POLDIP3: variants seen among roughly 807,000 people sequenced by gnomAD.
The protein encoded by POLDIP3 is polymerase delta-interacting protein 3.
POLDIP3 carries 14 observed loss-of-function variants against 45.1 expected under a neutral mutation model. The observed-to-expected ratio is 0.31, with a 90% CI of 0.20 to 0.49. The LOEUF (loss-of-function observed/expected upper bound fraction) is 0.49. POLDIP3 is among the 20% of genes least tolerant of loss of function. The pLI is 0.99. For missense variants in POLDIP3, 511 were observed against 538.8 expected, an observed-to-expected ratio of 0.95 and a Z score of 0.51; for synonymous variants, 223 against 205.2, an observed-to-expected ratio of 1.09 and a Z score of -0.74.
intron 1 of POLDIP3, among the ~76,000 whole-genome samples, chr22:42,611,154 T>G (rs1927094052): frequency 1.3e-5 from 2 of 152,178 alleles, no homozygotes; most frequent in South Asian, 4.1e-4. Flanking sequence ...ATAATAATGG[T>G]AATGACTTTT....
chr22:42,601,866 C>CCT, intron 3 of POLDIP3, 104 bp downstream of exon 3: 2 of 1,368,234 alleles, frequency 1.5e-6, no homozygotes, highest in Non-Finnish European at 2.0e-6. Context: ...ACTGAGCAAG[C>CCT]CTCAGTCCAT....
At chr22:42,595,710 G>A (rs1925942856) in intron 5 of POLDIP3, 96 bp from the exon 6 acceptor site, 5 of 1,124,066 alleles carry the variant, frequency 4.4e-6, no homozygotes, top group African/African-American at 1.5e-5. Flanking sequence ...AAGGCCCAGA[G>A]GAAAGCTCCA....
chr22:42,609,472 G>C (rs1349910895), intron 1 of POLDIP3, among the ~76,000 whole-genome samples: 1 of 152,198 alleles, frequency 6.6e-6, no homozygotes, highest in Non-Finnish European at 1.5e-5. Flanking sequence ...GATGACCAGG[G>C]AGGGTCTGTC....
chr22:42,590,194 T>C (rs1177286099), intron 7 of POLDIP3, among the ~76,000 whole-genome samples: 13 of 152,196 alleles, frequency 8.5e-5, no homozygotes, highest in Admixed American at 7.2e-4. Flanking sequence ...TAGCTGTAAA[T>C]GCACATACAG....
chr22:42,602,913 G>T lies in POLDIP3; in HGVS notation c.307C>A (p.Gln103Lys), dbSNP rs775869631. 6.2e-7 allele frequency: 1 copy of T among 1,613,972 alleles called. No individual in the cohort carries two copies. Among genetic ancestry groups the T allele is most frequent in the South Asian group, 1.1e-5 (1 of 91,078 alleles). ...DAREMLNSRK[Q>K]QTTVPQKPRQ... ...GGCTTCTGGGGCACCGTGGTCTGCT[G>T]CTTGCGAGAGTTCAACATCTCTCTG... The change falls in exon 2 of 9, where the codon CAG becomes AAG. Residue 103 changes from glutamine to lysine, a missense_variant. Gln to Lys is a moderately conservative substitution (Grantham distance 53, BLOSUM62 1). This residue lies in a region of POLDIP3 where 378 missense variants were observed against 352.3 expected (regional missense o/e 1.07). Coordinates refer to ENST00000252115, the MANE Select transcript of POLDIP3 (RefSeq NM_032311.5).
chr22:42,588,626 CTTTCT>C (rs949206803), intron 7 of POLDIP3, among the ~76,000 whole-genome samples: 4 of 145,648 alleles, frequency 2.7e-5, no homozygotes, highest in African/African-American at 1.0e-4. Context: ...ATTTTTCTTT[CTTTCT>C]TTTTTTTTTT....
chr22:42,602,918 C>T lies in POLDIP3; in HGVS notation c.302G>A (p.Arg101His), dbSNP rs1246931138. Residue 101 changes from arginine (R) to histidine (H), a missense_variant, in exon 2 of 9, where the codon CGC becomes CAC. Physicochemically the swap from Arg to His is conservative, Grantham distance 29. Coordinates refer to ENST00000252115, the MANE Select transcript of POLDIP3 (RefSeq NM_032311.5). ...CTGGGGCACCGTGGTCTGCTGCTTGCGAGAGTTCAACATCTCTCTGGCATC... is the reference window on the plus strand; with the variant it reads ...CTGGGGCACCGTGGTCTGCTGCTTGTGAGAGTTCAACATCTCTCTGGCATC... ...VQDAREMLNS[R>H]KQQTTVPQKP... 9.3e-6 allele frequency: 15 copies of T among 1,613,836 alleles called. No homozygotes were observed. Among genetic ancestry groups the T allele is most frequent in the East Asian group, 2.2e-5 (1 of 44,886 alleles).
At chr22:42,612,101 C>G (rs1458006320) in intron 1 of POLDIP3, among the ~76,000 whole-genome samples, 1 of 152,140 alleles carries the variant, frequency 6.6e-6, no homozygotes, top group African/African-American at 2.4e-5. Context: ...GCACTCTTTG[C>G]CCCAATCCAA....
intron 4 of POLDIP3, among the ~76,000 whole-genome samples, chr22:42,597,946 A>AT (rs1569299675): frequency 6.6e-6 from 1 of 151,254 alleles, no homozygotes; most frequent in African/African-American, 2.4e-5. Context: ...TGCCCAGCTA[A>AT]TTTTTTATTT....
In POLDIP3 at chr22:42,602,033, T is replaced by C; in HGVS notation, c.474A>G (p.Ala158=). 6.2e-7 allele frequency: 1 copy of C among 1,614,166 alleles called. No homozygotes were observed. Among genetic ancestry groups the C allele is most frequent in the Non-Finnish European group, 8.5e-7 (1 of 1,180,010 alleles). ...TTCCGGCAGGATGGGGATGAAGTGG[T>C]GCCATGGCTTTCTGCTGTGGAACCT... ...TIQVPQQKAM[A]PLHPHPAGMR... is the part of the protein sequence containing the mutation. The change falls in exon 3 of 9, where the codon GCA becomes GCG. Residue 158 remains alanine (A), a synonymous_variant. Transcript: ENST00000252115.
chr22:42,612,713 C>A (rs1927200902), intron 1 of POLDIP3, among the ~76,000 whole-genome samples: 1 of 152,232 alleles, frequency 6.6e-6, no homozygotes, highest in South Asian at 2.1e-4. Flanking sequence ...GTAATCCCAG[C>A]TACTTGGGAG....
At chr22:42,614,400 T>C (rs1927330359) in intron 1 of POLDIP3, among the ~76,000 whole-genome samples, 1 of 152,186 alleles carries the variant, frequency 6.6e-6, no homozygotes, top group Non-Finnish European at 1.5e-5. Context: ...TAAACTTCGG[T>C]TGTCTCAACT....
At position 42,602,815 on chromosome 22, in the gene POLDIP3, G is replaced by C. The variant is rs1926480568; in HGVS notation, c.405C>G (p.Pro135=). 1.2e-6 allele frequency: 2 copies of C among 1,611,880 alleles called. No homozygotes were observed. Among genetic ancestry groups the C allele is most frequent in the African/African-American group, 1.3e-5 (1 of 74,906 alleles). ...RSSPAAFINP[P]IGTVTPALKL... is the part of the protein sequence containing the mutation. ...TCAGAGCAGGGGTCACTGTCCCAAT[G>C]GGTGGGTTTATGAAGGCAGCAGGGG... The change falls in exon 2 of 9, where the codon CCC becomes CCG. Residue 135 remains proline (P), a synonymous_variant. Coordinates refer to ENST00000252115, the MANE Select transcript of POLDIP3 (RefSeq NM_032311.5).
chr22:42,602,367 T>G (rs146794213), intron 2 of POLDIP3, among the ~76,000 whole-genome samples: 1,637 of 152,330 alleles, frequency 0.011, 20 homozygotes, highest in Non-Finnish European at 0.014. Context: ...TGGTGGCAGC[T>G]GTGAAGGGTG....
chr22:42,602,973 C>A lies in POLDIP3; in HGVS notation c.247G>T (p.Ala83Ser). Residue 83 changes from alanine to serine, a missense_variant, in exon 2 of 9, where the codon GCC becomes TCC. By Grantham distance (99) the Ala-to-Ser change is moderately conservative (BLOSUM62 1). Transcript: ENST00000252115. ...ACTTTCCCTTTGATTCGAAATCGGG[C>A]ATCTTTCTGCAAAAGCTTCTCCCGG... ...DAREKLLQKD[A>S]RFRIKGKVQD... The A allele has an allele frequency of 6.2e-7, 1 of 1,614,028 alleles. No homozygotes were observed. The highest frequency in any genetic ancestry group is 1.1e-5 in the South Asian group (1 of 91,076).
chr22:42,595,712 A>T, intron 5 of POLDIP3, 98 bp from the exon 6 acceptor site: 1 of 1,099,126 alleles, frequency 9.1e-7, no homozygotes, highest in Non-Finnish European at 1.4e-6. Flanking sequence ...GGCCCAGAGG[A>T]AAGCTCCATG....
rs765552508 is a variant in POLDIP3 at position 42,585,204 on chromosome 22, T to C, written c.*587A>G. 3.9e-6 allele frequency: 2 copies of C among 509,926 alleles called. No homozygotes were observed. Among genetic ancestry groups the C allele is most frequent in the Non-Finnish European group, 7.8e-6 (2 of 256,188 alleles). The allele number at this position is 509,926 out of a possible 1,614,324, so 31.6% of individuals were successfully genotyped here. A position where few individuals can be genotyped will look rare whatever the true frequency, so the allele number is the denominator to read the frequency against. On this transcript the variant is annotated 3_prime_UTR_variant, in exon 9 of 9. Transcript: ENST00000252115. ...CAGCGGTGCAGCCTCATCCTGCCCT[T>C]GCCACTAGTGAGGCCTGGAGCCACT...
chr22:42,595,751 C>A, intron 5 of POLDIP3, 137 bp from the exon 6 acceptor site: 1 of 734,550 alleles, frequency 1.4e-6, no homozygotes, highest in South Asian at 1.6e-5. Context: ...GCCCCCTGAA[C>A]TTCAGTGTCC....
chr22:42,596,602 G>A (rs1000066342), intron 4 of POLDIP3, among the ~76,000 whole-genome samples: 6 of 152,194 alleles, frequency 3.9e-5, no homozygotes, highest in Non-Finnish European at 8.8e-5. Flanking sequence ...ACTCCCCACA[G>A]TGCTAGAAGC....
Sources: gnomAD v4.1 joint callset for allele counts (sites outside exome capture counted in the v4.1 genomes callset) on GRCh38, gnomAD v4.1.1 for gene constraint, gnomAD v4.1.1 regional missense constraint, MANE v1.5 for transcripts, NCBI Gene and HGNC (gene_info 2026-07-23, HGNC 2026-07-21) for gene names.